GPR39: variants seen among roughly 807,000 people sequenced by gnomAD.
The protein encoded by GPR39 is zinc sensing receptor.
GPR39 carries 23 observed loss-of-function variants against 18.4 expected under a neutral mutation model. The ratio of observed to expected loss-of-function variants is 1.25; its 90% confidence interval spans 0.90 to 1.77. The LOEUF is 1.77. GPR39 is among the 40% of genes most tolerant of loss of function. The pLI is 0.00. For synonymous variants in GPR39, 280 were observed against 257.9 expected, an observed-to-expected ratio of 1.09 and a Z score of -0.82; for missense variants, 647 against 602.4, an observed-to-expected ratio of 1.07 and a Z score of -0.78.
intron 1 of GPR39, among the ~76,000 whole-genome samples, chr2:132,454,494 C>G (rs1442589110): frequency 1.3e-5 from 2 of 152,090 alleles, no homozygotes; most frequent in African/African-American, 4.8e-5. Context: ...GCCTGATTGC[C>G]CTGGCCAGAA....
chr2:132,645,984 TGGG>T lies in GPR39; in HGVS notation c.*382_*384del. On this transcript the variant is annotated 3_prime_UTR_variant, in exon 2 of 2. Coordinates refer to ENST00000329321, the MANE Select transcript of GPR39 (RefSeq NM_001508.3). ...CCCAGAAGAAACTCACTCAGGGAGGTGGGGGGTTGGGGGCGAGGGCTGGAAGAA... is the reference window on the plus strand; with the variant it reads ...CCCAGAAGAAACTCACTCAGGGAGGTGGGTTGGGGGCGAGGGCTGGAAGAA... 1 of 1,235,452 alleles carries T rather than the reference TGGG, an allele frequency of 8.1e-7. No homozygotes were observed. The highest frequency in any genetic ancestry group is 1.1e-6 in the Non-Finnish European group (1 of 902,810). 76.5% of individuals were successfully genotyped at this position (1,235,452 alleles called of 1,614,324 possible). A position where few individuals can be genotyped will look rare whatever the true frequency, so the allele number is the denominator to read the frequency against.
At position 132,448,532 on chromosome 2, in the gene GPR39, G is replaced by A. The variant is rs547530324; in HGVS notation, c.856+30634G>A. 2.0e-5 allele frequency among the ~76,000 whole-genome samples: 3 copies of A among 152,284 alleles called. No individual in the cohort carries two copies. In the East Asian group the frequency reaches 5.8e-4, roughly 29 times the overall value. On this transcript the variant is annotated intron_variant, in intron 1 of 1. Transcript: ENST00000329321. ...TGGGATTTGTCAAACACACGTCAGC[G>A]GCTGGCTTCCTTAACGGCTTTCTTA... is the stretch of plus-strand genomic sequence containing the variant.
intron 1 of GPR39, among the ~76,000 whole-genome samples, chr2:132,573,171 G>T (rs1680472151): frequency 6.6e-6 from 1 of 152,142 alleles, no homozygotes; most frequent in Admixed American, 6.5e-5. Flanking sequence ...GAAATTTCCA[G>T]ATGTTTCCAC....
At chr2:132,468,695 G>A (rs1680974687) in intron 1 of GPR39, among the ~76,000 whole-genome samples, 2 of 152,192 alleles carry the variant, frequency 1.3e-5, no homozygotes, top group South Asian at 2.1e-4. Context: ...CATAGCTTAC[G>A]TGTGCAGTGG....
intron 1 of GPR39, among the ~76,000 whole-genome samples, chr2:132,620,502 C>T (rs1467648808): frequency 6.6e-6 from 1 of 152,214 alleles, no homozygotes; most frequent in Non-Finnish European, 1.5e-5. Context: ...AACCCTGCCC[C>T]ACAGCCCCTG....
At chr2:132,468,912 G>C (rs1292680465) in intron 1 of GPR39, among the ~76,000 whole-genome samples, 1 of 152,210 alleles carries the variant, frequency 6.6e-6, no homozygotes, top group Non-Finnish European at 1.5e-5. Flanking sequence ...AGTCATTTCA[G>C]GATTGCAGGA....
intron 1 of GPR39, among the ~76,000 whole-genome samples, chr2:132,459,813 T>A (rs1680800509): frequency 1.3e-5 from 2 of 152,236 alleles, no homozygotes; most frequent in South Asian, 2.1e-4. Flanking sequence ...TGAACTTATA[T>A]GACACTGAGC....
intron 1 of GPR39, among the ~76,000 whole-genome samples, chr2:132,483,100 G>A (rs1485612035): frequency 6.6e-6 from 1 of 152,150 alleles, no homozygotes; most frequent in Non-Finnish European, 1.5e-5. Context: ...TTGTGAGTCA[G>A]TTTTCTTATC....
chr2:132,623,202 C>A (rs1401231795), intron 1 of GPR39, among the ~76,000 whole-genome samples: 1 of 152,172 alleles, frequency 6.6e-6, no homozygotes, highest in South Asian at 2.1e-4. Context: ...AAAGTCAGAG[C>A]TCAGTCCTCA....
At chr2:132,521,696 T>A (rs1048641130) in intron 1 of GPR39, among the ~76,000 whole-genome samples, 1 of 76,000 alleles carries the variant, frequency 1.3e-5, no homozygotes, top group East Asian at 5.5e-4. Context: ...CTTGTTCTTT[T>A]TCTTTTCCCC....
intron 1 of GPR39, among the ~76,000 whole-genome samples, chr2:132,453,491 C>A (rs922703621): frequency 6.6e-6 from 1 of 152,078 alleles, no homozygotes; most frequent in Admixed American, 6.5e-5. Flanking sequence ...TTAATTAGAT[C>A]CCATTTATCT....
At chr2:132,629,769 C>T (rs542899377) in intron 1 of GPR39, among the ~76,000 whole-genome samples, 139 of 152,316 alleles carry the variant, frequency 9.1e-4, no homozygotes, top group African/African-American at 3.2e-3. Flanking sequence ...AGGCCCTAGG[C>T]TTGCTTCCCT....
chr2:132,614,655 A>G lies in GPR39; in HGVS notation c.857-30446A>G, dbSNP rs1681301619. Among the ~76,000 whole-genome samples, 4 of 151,918 alleles carry G rather than the reference A, an allele frequency of 2.6e-5. No homozygotes were observed. The South Asian group carries it at 6.2e-4, about 24-fold the overall frequency. ...AACCTCCACCTCCCAGGTTCAAGCA[A>G]TTCTTTTGCCTTAGCCTCCCAAGTA... On this transcript the variant is annotated intron_variant, in intron 1 of 1. Coordinates refer to ENST00000329321, the MANE Select transcript of GPR39 (RefSeq NM_001508.3).
intron 1 of GPR39, among the ~76,000 whole-genome samples, chr2:132,506,055 A>G (rs4954334): frequency 0.59 from 89,224 of 151,956 alleles, 26,751 homozygotes; most frequent in Non-Finnish European, 0.64. Context: ...ATCCTTGCCA[A>G]CTCTGTTATT....
At chr2:132,502,293 G>T (rs181291883) in intron 1 of GPR39, among the ~76,000 whole-genome samples, 6 of 152,098 alleles carry the variant, frequency 3.9e-5, no homozygotes, top group African/African-American at 1.4e-4. Context: ...TTCTCTCAGC[G>T]TTTGTTTGTT....
intron 1 of GPR39, among the ~76,000 whole-genome samples, chr2:132,579,432 G>A: frequency 6.6e-6 from 1 of 152,066 alleles, no homozygotes. Context: ...GTATTTTTCT[G>A]TTGCTGTGTG....
intron 1 of GPR39, among the ~76,000 whole-genome samples, chr2:132,619,836 CACACACACACACACACACACAG>C (rs371220063): frequency 0.027 from 3,497 of 131,492 alleles, 127 homozygotes; most frequent in African/African-American, 0.099. Context: ...CACAGACACA[CACACACACACACACACACACAG>C]ACACACACAC....
chr2:132,437,813 C>T (rs1354052376), intron 1 of GPR39, among the ~76,000 whole-genome samples: 2 of 152,098 alleles, frequency 1.3e-5, no homozygotes, highest in Non-Finnish European at 2.9e-5. Flanking sequence ...GGGCAGGTCC[C>T]CCAGTGCTGT....
rs908513326 is a variant in GPR39, at chr2:132,607,115, A to G, written c.857-37986A>G. Among the ~76,000 whole-genome samples the G allele has an allele frequency of 3.3e-5, 5 of 152,274 alleles. No homozygotes were observed. The South Asian group carries it at 1.0e-3, about 32-fold the overall frequency. On this transcript the variant is annotated intron_variant, in intron 1 of 1. Transcript: ENST00000329321. The stretch of plus-strand genomic sequence containing the variant: ...GCTTCCATGGTGTAGAATGAAAAGG[A>G]AGCAGGGAGTATTCACATGAAAAGG...
Sources: gnomAD v4.1 joint callset for allele counts (sites outside exome capture counted in the v4.1 genomes callset) on GRCh38, gnomAD v4.1.1 for gene constraint, MANE v1.5 for transcripts, NCBI Gene and HGNC (gene_info 2026-07-23, HGNC 2026-07-21) for gene names.